ACADS: variants seen among roughly 807,000 people sequenced by gnomAD.
The protein encoded by ACADS is short-chain specific acyl-CoA dehydrogenase, mitochondrial.
A neutral mutation model predicts 46.8 loss-of-function variants in ACADS; 28 were observed. That is an observed-to-expected ratio of 0.60 (90% CI 0.44 to 0.82). The LOEUF is 0.82. Ranked by LOEUF, ACADS falls within the 40% of genes least tolerant of loss-of-function variation. The pLI is 0.00. For missense variants in ACADS, 528 were observed against 578.0 expected (o/e 0.91, Z 0.89); for synonymous variants, 236 against 237.7 (o/e 0.99, Z 0.07).
At chr12:120,736,944 C>A in intron 2 of ACADS, 42 bp from the exon 3 acceptor site, 1 of 1,552,144 alleles carries the variant, frequency 6.4e-7, no homozygotes, top group East Asian at 2.3e-5. Flanking sequence ...TGGGCTCGCC[C>A]CCGGCAGCTG....
Position 120,737,024 on chromosome 12 carries a change from C to G in ACADS, c.249C>G (p.Asp83Glu). 1.2e-6 allele frequency: 2 copies of G among 1,610,790 alleles called. No individual in the cohort carries two copies. The highest frequency in any genetic ancestry group is 1.7e-6 in the Non-Finnish European group (2 of 1,178,934). Residue 83 changes from aspartate to glutamate, a missense_variant, in exon 3 of 10, where the codon GAC becomes GAG. By Grantham distance (45) the Asp-to-Glu change is conservative. Coordinates refer to ENST00000242592, the MANE Select transcript of ACADS (RefSeq NM_000017.4). ...GCGGGCTTGGGCTTCTGGCCATGGACGTGCCCGAGGAGCTTGGCGGTGCTG... is the reference window on the plus strand; with the variant it reads ...GCGGGCTTGGGCTTCTGGCCATGGAGGTGCCCGAGGAGCTTGGCGGTGCTG... Reference protein sequence around the residue: ...KMGGLGLLAMDVPEELGGAGL... With the variant: ...KMGGLGLLAMEVPEELGGAGL...
rs764806191 is a variant in ACADS, at chr12:120,737,337, C to T, written c.361-19C>T. The T allele has an allele frequency of 6.2e-7, 1 of 1,611,358 alleles. No individual in the cohort carries two copies. The highest frequency in any genetic ancestry group is 1.1e-5 in the South Asian group (1 of 90,942). ...CGCCTGGGCCTGGGGCCTCCGACCG[C>T]TCCCCGCTGTCCTCCTAGTCTCTCT... On this transcript the variant is annotated intron_variant, in intron 3 of 9. Coordinates refer to ENST00000242592, the MANE Select transcript of ACADS (RefSeq NM_000017.4).
chr12:120,731,712 A>G (rs1429378264), intron 2 of ACADS, among the ~76,000 whole-genome samples: 1 of 151,858 alleles, frequency 6.6e-6, no homozygotes, highest in Non-Finnish European at 1.5e-5. Flanking sequence ...TCATAGGACA[A>G]TAGTGGAGGG....
At chr12:120,736,845 G>A in intron 2 of ACADS, 141 bp from the exon 3 acceptor site, 5 of 1,068,728 alleles carry the variant, frequency 4.7e-6, no homozygotes, top group Non-Finnish European at 6.6e-6. Context: ...TTCTGGACTT[G>A]GGGATCCCTT....
chr12:120,738,415 C>A lies in ACADS; in HGVS notation c.760C>A (p.Leu254Met). The change falls in exon 6 of 10, where the codon CTG becomes ATG. Residue 254 changes from leucine (L) to methionine (M), a missense_variant. Coordinates refer to ENST00000242592, the MANE Select transcript of ACADS (RefSeq NM_000017.4). ...CTGTCGCATCCCCAAGGACAGCATCCTGGGGGAGCCAGGGATGGGCTTCAA... is the reference window on the plus strand; with the variant it reads ...CTGTCGCATCCCCAAGGACAGCATCATGGGGGAGCCAGGGATGGGCTTCAA... ...EDCRIPKDSI[L>M]GEPGMGFKIA... 1 of 1,613,046 alleles carries A rather than the reference C, an allele frequency of 6.2e-7. No homozygotes were observed. The highest frequency in any genetic ancestry group is 1.3e-5 in the African/African-American group (1 of 75,074).
Position 120,739,186 on chromosome 12 carries a change from T to C in ACADS, c.1076T>C (p.Ile359Thr). The stretch of plus-strand genomic sequence containing the variant: ...GCCGCCTCGGAGGCCGCGACCGCCA[T>C]CAGCCACCAGGTGAGTGTCCACAGT... ...KLAASEAATA[I>T]SHQAIQILGG... The change falls in exon 9 of 10, where the codon ATC (isoleucine) becomes ACC (threonine). Residue 359 changes from isoleucine (I) to threonine (T), a missense_variant. Ile to Thr is a moderately conservative substitution (Grantham distance 89). Coordinates refer to ENST00000242592, the MANE Select transcript of ACADS (RefSeq NM_000017.4). The C allele has an allele frequency of 6.2e-7, 1 of 1,613,018 alleles. No individual in the cohort carries two copies.
chr12:120,734,058 C>T (rs1883354029), intron 2 of ACADS, among the ~76,000 whole-genome samples: 1 of 152,170 alleles, frequency 6.6e-6, no homozygotes, highest in African/African-American at 2.4e-5. Context: ...CTGCATTCTT[C>T]CCGCCAGAGT....
chr12:120,734,858 TCTC>T (rs1407961731), intron 2 of ACADS, among the ~76,000 whole-genome samples: 5 of 149,992 alleles, frequency 3.3e-5, no homozygotes, highest in African/African-American at 7.4e-5. Context: ...TTCAAGCAAT[TCTC>T]CTGCCTCAGC....
intron 2 of ACADS, among the ~76,000 whole-genome samples, chr12:120,727,860 A>G (rs1480142759): frequency 1.3e-5 from 2 of 152,032 alleles, no homozygotes; most frequent in Non-Finnish European, 2.9e-5. Context: ...TATATACCCC[A>G]TGGACTCAGA....
Position 120,738,083 on chromosome 12 carries a change from T to G in ACADS, c.624+95T>G, listed in dbSNP as rs764053276. On this transcript the variant is annotated intron_variant, in intron 5 of 9. Transcript: ENST00000242592. ...TCCTTGGCCCGACTGGACCTATTTT[T>G]GCTCTGGGGCAAGTGGGCTGTCCCT... 1.9e-6 allele frequency: 3 copies of G among 1,592,212 alleles called. No individual in the cohort carries two copies. In the African/African-American group the frequency reaches 4.0e-5, roughly 21 times the overall value.
chr12:120,736,570 A>C (rs1883443831), intron 2 of ACADS, among the ~76,000 whole-genome samples: 1 of 152,132 alleles, frequency 6.6e-6, no homozygotes, highest in Admixed American at 6.6e-5. Flanking sequence ...GGCAATAACC[A>C]GCTGAGGGAT....
At chr12:120,734,061 G>A (rs543382414) in intron 2 of ACADS, among the ~76,000 whole-genome samples, 7 of 152,124 alleles carry the variant, frequency 4.6e-5, no homozygotes, top group Admixed American at 6.5e-5. Flanking sequence ...CATTCTTCCC[G>A]CCAGAGTTCC....
chr12:120,738,546 T>A lies in ACADS; in HGVS notation c.809T>A (p.Met270Lys), dbSNP rs1883538006. 6.2e-7 allele frequency: 1 copy of A among 1,610,284 alleles called. No individual in the cohort carries two copies. The highest frequency in any genetic ancestry group is 1.7e-5 in the Admixed American group (1 of 60,008). The change falls in exon 7 of 10, where the codon ATG becomes AAG. Residue 270 changes from methionine (M) to lysine (K), a missense_variant. Coordinates refer to ENST00000242592, the MANE Select transcript of ACADS (RefSeq NM_000017.4). ...CGGTCCCCACAGCAAACCCTGGACA[T>A]GGGCCGCATCGGCATCGCCTCCCAG... ...GFKIAMQTLD[M>K]GRIGIASQAL...
At chr12:120,731,455 GTTTT>G (rs71076649) in intron 2 of ACADS, among the ~76,000 whole-genome samples, 2 of 126,226 alleles carry the variant, frequency 1.6e-5, no homozygotes, top group Admixed American at 8.2e-5. Context: ...TAATAAAATA[GTTTT>G]TTTTTTTTTT....
At position 120,738,433 on chromosome 12, in the gene ACADS, G is replaced by A; in HGVS notation, c.778G>A (p.Gly260Ser). Residue 260 changes from glycine (G) to serine (S), a missense_variant, in exon 6 of 10, where the codon GGC becomes AGC. Physicochemically the swap from Gly to Ser is moderately conservative, Grantham distance 56. Coordinates refer to ENST00000242592, the MANE Select transcript of ACADS (RefSeq NM_000017.4). ...CAGCATCCTGGGGGAGCCAGGGATG[G>A]GCTTCAAGATAGCCATGGTGAGCCC... Reference protein sequence around the residue: ...KDSILGEPGMGFKIAMQTLDM... With the variant: ...KDSILGEPGMSFKIAMQTLDM... 3 of 1,611,456 alleles carry A rather than the reference G, an allele frequency of 1.9e-6. No individual in the cohort carries two copies. Among genetic ancestry groups the A allele is most frequent in the Non-Finnish European group, 2.5e-6 (3 of 1,179,968 alleles).
intron 4 of ACADS, 37 bp downstream of exon 4, chr12:120,737,504 C>T: frequency 6.4e-7 from 1 of 1,563,178 alleles, no homozygotes; most frequent in Admixed American, 1.7e-5. Context: ...CTTAGGGTGA[C>T]AGGCCCAGAG....
intron 2 of ACADS, among the ~76,000 whole-genome samples, chr12:120,735,773 C>T (rs1883415392): frequency 6.6e-6 from 1 of 151,900 alleles, no homozygotes; most frequent in Non-Finnish European, 1.5e-5. Flanking sequence ...ATTATGGGCA[C>T]CTGTAATCTC....
Position 120,737,861 on chromosome 12 carries a change from C to T in ACADS, c.497C>T (p.Ala166Val), listed in dbSNP as rs1022406482. The T allele has an allele frequency of 6.2e-6, 10 of 1,613,758 alleles. No homozygotes were observed. The highest frequency in any genetic ancestry group is 4.5e-5 in the East Asian group (2 of 44,878). The change falls in exon 5 of 10, where the codon GCG becomes GTG. Residue 166 changes from alanine (A) to valine (V), a missense_variant. Transcript: ENST00000242592. ...GGGAACGGCAGTGATGCAGGAGCTGCGTCCACCACCGCCCGGGCCGAGGGC... is the reference window on the plus strand; with the variant it reads ...GGGAACGGCAGTGATGCAGGAGCTGTGTCCACCACCGCCCGGGCCGAGGGC... The part of the protein sequence containing the change: ...EPGNGSDAGA[A>V]STTARAEGDS...
chr12:120,736,903 C>T (rs1035310281), intron 2 of ACADS, 83 bp from the exon 3 acceptor site: 53 of 1,456,086 alleles, frequency 3.6e-5, no homozygotes, highest in South Asian at 1.5e-4. Context: ...GGCACTGCCT[C>T]GGGGGCAGGA....
Sources: gnomAD v4.1 joint callset for allele counts (sites outside exome capture counted in the v4.1 genomes callset) on GRCh38, gnomAD v4.1.1 for gene constraint, MANE v1.5 for transcripts, NCBI Gene and HGNC (gene_info 2026-07-23, HGNC 2026-07-21) for gene names.